ZNF280D: variants seen among roughly 807,000 people sequenced by gnomAD.
ZNF280D encodes the protein zinc finger protein 280D, also known as suppressor of hairy wing homolog 4.
Under a neutral mutation model 94.7 loss-of-function variants are expected in ZNF280D, and 39 were observed. That is an observed-to-expected ratio of 0.41 (90% CI 0.32 to 0.54). The LOEUF is 0.54. ZNF280D is among the 20% of genes least tolerant of loss of function. ZNF280D has a pLI of 0.22. For missense variants in ZNF280D, 1,090 were observed against 1,149.3 expected (o/e 0.95, Z 0.75); for synonymous variants, 398 against 377.6 (o/e 1.05, Z -0.63).
At chr15:56,634,021 TATAG>T (rs2052224739) in intron 21 of ZNF280D, 1 of 152,118 alleles carries the variant, frequency 6.6e-6, no homozygotes, top group Non-Finnish European at 1.5e-5. Flanking sequence ...TCTCTCTATA[TATAG>T]ATATAGATAT....
At chr15:56,700,663 A>G in intron 6 of ZNF280D, 1 of 1,386,612 alleles carries the variant, frequency 7.2e-7, no homozygotes, top group South Asian at 1.8e-5. Flanking sequence ...GCTGACTATA[A>G]TTTTATTCAC....
At chr15:56,685,681 A>C (rs918164128) in intron 9 of ZNF280D, among the ~76,000 whole-genome samples, 7 of 152,206 alleles carry the variant, frequency 4.6e-5, no homozygotes, top group Admixed American at 1.3e-4. Context: ...ACAGTAGAGA[A>C]TTGCTAAAGG....
chr15:56,727,288 C>T (rs1027013848), intron 1 of ZNF280D, among the ~76,000 whole-genome samples: 43 of 152,098 alleles, frequency 2.8e-4, no homozygotes, highest in African/African-American at 7.5e-4. Flanking sequence ...GGCAAAACCC[C>T]GTCTCTACTA....
At chr15:56,654,811 G>C in intron 17 of ZNF280D, 1 of 480,308 alleles carries the variant, frequency 2.1e-6, no homozygotes, top group African/African-American at 2.0e-5. Context: ...TGTAACTTAG[G>C]CAAGTCACAT....
chr15:56,724,582 C>G (rs746834537), intron 1 of ZNF280D, among the ~76,000 whole-genome samples: 37 of 152,216 alleles, frequency 2.4e-4, no homozygotes, highest in Admixed American at 7.9e-4. Context: ...TACACAATAT[C>G]TGGCACCCAG....
In ZNF280D at chr15:56,658,480, A is replaced by G. The variant is rs536774291; in HGVS notation, c.2001T>C (p.His667=). 6.4e-6 allele frequency: 10 copies of G among 1,573,348 alleles called. No individual in the cohort carries two copies. In the South Asian group the frequency reaches 1.1e-4, roughly 17 times the overall value. The change falls in exon 17 of 22, where the codon CAT becomes CAC. Residue 667 remains histidine, a synonymous_variant. Coordinates refer to ENST00000267807, the MANE Select transcript of ZNF280D (RefSeq NM_017661.4). The stretch of plus-strand genomic sequence containing the variant: ...AAAACCTTTTGCTTGGACGGTTACT[A>G]TGAAAGCTGGAGAAACAAAAGAGAT... ...KAYVNHMMSF[H]SNRPSKRFCI...
chr15:56,703,713 G>C (rs1484047819), intron 4 of ZNF280D, among the ~76,000 whole-genome samples: 3 of 151,910 alleles, frequency 2.0e-5, no homozygotes, highest in Non-Finnish European at 4.4e-5. Flanking sequence ...AATTAGCCAG[G>C]CATGGTAACA....
intron 6 of ZNF280D, chr15:56,698,957 G>T (rs1033635617): frequency 3.3e-5 from 5 of 152,130 alleles, no homozygotes; most frequent in Admixed American, 2.6e-4. Context: ...ATGCAGCCTT[G>T]TGAGATCCTT....
intron 13 of ZNF280D, among the ~76,000 whole-genome samples, chr15:56,675,397 T>C (rs1210421313): frequency 6.6e-6 from 1 of 151,908 alleles, no homozygotes; most frequent in Non-Finnish European, 1.5e-5. Flanking sequence ...TCCCAAATTC[T>C]GTTCATAAAG....
At chr15:56,685,096 T>G (rs1217030106) in intron 9 of ZNF280D, among the ~76,000 whole-genome samples, 1 of 152,160 alleles carries the variant, frequency 6.6e-6, no homozygotes, top group Admixed American at 6.5e-5. Flanking sequence ...AACAAAATCC[T>G]GATAGTGGGA....
rs112788124 is a variant in ZNF280D, at chr15:56,631,905, C to T, written c.2533G>A (p.Val845Ile). The T allele has an allele frequency of 2.9e-4, 460 of 1,613,700 alleles. 1 individual carries two copies. The African/African-American group carries it at 2.9e-3, about 10-fold the overall frequency. ...KVEKKKQIQHVCQEMELKMCQ... is the reference protein window; with the variant it reads ...KVEKKKQIQHICQEMELKMCQ... ...ATCTTCAACTCCATTTCCTGACAAA[C>T]GTGTTGTATTTGTTTTTTCTTTTCC... The change falls in exon 22 of 22, where the codon GTT becomes ATT. Residue 845 changes from valine (V) to isoleucine (I), a missense_variant. Val to Ile is a conservative substitution (Grantham distance 29). Coordinates refer to ENST00000267807, the MANE Select transcript of ZNF280D (RefSeq NM_017661.4).
intron 10 of ZNF280D, among the ~76,000 whole-genome samples, chr15:56,681,767 C>T (rs1207642994): frequency 1.1e-4 from 17 of 151,998 alleles, no homozygotes; most frequent in Non-Finnish European, 1.5e-5. Flanking sequence ...AACAGACATG[C>T]TTCCTAGAAC....
At chr15:56,635,295 T>C (rs764716902) in intron 20 of ZNF280D, 45 bp from the exon 21 acceptor site, 20 of 1,140,672 alleles carry the variant, frequency 1.8e-5, no homozygotes, top group Non-Finnish European at 2.3e-5. Context: ...ACAGTTAATC[T>C]TAAAACTATT....
intron 12 of ZNF280D, 50 bp from the exon 13 acceptor site, chr15:56,676,866 T>C (rs1487717964): frequency 2.2e-6 from 3 of 1,357,456 alleles, no homozygotes; most frequent in Non-Finnish European, 3.1e-6. Flanking sequence ...AAAACTGATA[T>C]GCAATTACAA....
chr15:56,726,139 G>C (rs567355247), intron 1 of ZNF280D, among the ~76,000 whole-genome samples: 1 of 151,622 alleles, frequency 6.6e-6, no homozygotes, highest in East Asian at 1.9e-4. Flanking sequence ...AAAAACTTTA[G>C]AACAGAAACC....
In ZNF280D at chr15:56,632,106, C is replaced by A; in HGVS notation, c.2332G>T (p.Ala778Ser). ...SNSESKQDKA[A>S]SSKEKNGCNA... is the part of the protein sequence containing the mutation. ...CATCCATTTTTTTCTTTTGAAGAAG[C>A]AGCTTTATCTTGTTTACTGAAAAAT... is the stretch of plus-strand genomic sequence containing the variant. Residue 778 changes from alanine to serine, a missense_variant, in exon 22 of 22, where the codon GCT becomes TCT. By Grantham distance (99) the Ala-to-Ser change is moderately conservative. Around this residue, in one of 3 missense-constraint regions of ZNF280D, gnomAD observed 577 missense variants for 568.8 expected, o/e 1.01. Coordinates refer to ENST00000267807, the MANE Select transcript of ZNF280D (RefSeq NM_017661.4). 1.3e-6 allele frequency: 2 copies of A among 1,584,466 alleles called. No individual in the cohort carries two copies. Among genetic ancestry groups the A allele is most frequent in the Non-Finnish European group, 1.7e-6 (2 of 1,167,570 alleles).
In ZNF280D at chr15:56,669,932, TATATTATA is replaced by T. The variant is rs1338575310; in HGVS notation, c.1411-983_1411-976del. Among the ~76,000 whole-genome samples the T allele has an allele frequency of 1.6e-3, 16 of 10,008 alleles. 2 individuals carry two copies. Among genetic ancestry groups the T allele is most frequent in the African/African-American group, 6.3e-3 (16 of 2,548 alleles). The allele number at this position is 10,008 out of a possible 152,430, so 6.6% of individuals were successfully genotyped here. ...ATATATATTATATATATATTATATATATATTATATATATATATTATATATATATATTAT... is the reference window on the plus strand; with the variant it reads ...ATATATATTATATATATATTATATATTATATATATTATATATATATATTAT... On this transcript the variant is annotated intron_variant, in intron 13 of 21. Transcript: ENST00000267807.
At chr15:56,712,955 G>C (rs1276008506) in intron 1 of ZNF280D, among the ~76,000 whole-genome samples, 1 of 151,998 alleles carries the variant, frequency 6.6e-6, no homozygotes, top group Non-Finnish European at 1.5e-5. Context: ...GGCCAGGCTG[G>C]TCTTGAACTC....
chr15:56,662,797 C>T (rs562283483), intron 16 of ZNF280D, among the ~76,000 whole-genome samples: 3 of 143,306 alleles, frequency 2.1e-5, no homozygotes, highest in African/African-American at 7.8e-5. Context: ...GCACTCTAGC[C>T]TGGGTGACAG....
Sources: allele counts gnomAD v4.1 joint callset (sites outside exome capture counted in the v4.1 genomes callset), GRCh38; gene constraint gnomAD v4.1.1; regional missense constraint gnomAD v4.1.1; transcripts MANE v1.5; gene names NCBI Gene and HGNC (gene_info 2026-07-23, HGNC 2026-07-21).